Variants in USO1 observed in about 807,000 individuals in gnomAD.
The protein encoded by USO1 is USO1 vesicle transport factor.
USO1 carries 57 observed loss-of-function variants against 124.5 expected under a neutral mutation model. The observed-to-expected ratio is 0.46, with a 90% CI of 0.37 to 0.57. USO1 has a LOEUF of 0.57. USO1 is among the 20% of genes least tolerant of loss of function. USO1 has a pLI of 0.00. For synonymous variants in USO1, 369 were observed against 362.8 expected (o/e 1.02, Z -0.19); for missense variants, 900 against 1,040.6 (o/e 0.86, Z 1.86).
chr4:75,742,525 C>T (rs17000786), intron 1 of USO1, among the ~76,000 whole-genome samples: 53,615 of 152,080 alleles, frequency 0.35, 11,636 homozygotes, highest in African/African-American at 0.62. Context: ...TGTAATCTTA[C>T]CTATCTTCAC....
chr4:75,759,264 T>TTTTTTTTTC (rs1553898967), intron 4 of USO1, among the ~76,000 whole-genome samples: 5 of 145,488 alleles, frequency 3.4e-5, no homozygotes, highest in Non-Finnish European at 7.5e-5. Flanking sequence ...TTTTTTTTTT[T>TTTTTTTTTC]CTGAAAATTT....
chr4:75,782,454 C>A (rs1722246664), intron 8 of USO1, among the ~76,000 whole-genome samples: 1 of 152,142 alleles, frequency 6.6e-6, no homozygotes, highest in Admixed American at 6.6e-5. Context: ...CAATGAGTTA[C>A]TAAGGCGATT....
At chr4:75,791,985 C>T (rs144325387) in intron 12 of USO1, among the ~76,000 whole-genome samples, 2 of 150,034 alleles carry the variant, frequency 1.3e-5, no homozygotes, top group South Asian at 2.1e-4. Flanking sequence ...TACTGTAATA[C>T]AAGTTGAGCA....
chr4:75,801,253 CT>C, intron 17 of USO1, 53 bp downstream of exon 17: 2 of 1,468,804 alleles, frequency 1.4e-6, no homozygotes, highest in Non-Finnish European at 1.8e-6. Flanking sequence ...GCACTTTCTG[CT>C]TTAAGGGAGC....
chr4:75,753,101 T>G (rs931407243), intron 3 of USO1, among the ~76,000 whole-genome samples: 59 of 152,136 alleles, frequency 3.9e-4, no homozygotes, highest in African/African-American at 1.4e-3. Context: ...TAATAAGAGT[T>G]AAGTGTTAAA....
At chr4:75,743,519 A>G (rs1007918738) in intron 1 of USO1, among the ~76,000 whole-genome samples, 4 of 151,818 alleles carry the variant, frequency 2.6e-5, no homozygotes. Context: ...TGTTTGTCTT[A>G]CTTGTTTTTA....
chr4:75,794,095 T>TA (rs1214909280), intron 13 of USO1, among the ~76,000 whole-genome samples, 194 bp downstream of exon 13: 1 of 152,176 alleles, frequency 6.6e-6, no homozygotes, highest in Non-Finnish European at 1.5e-5. Context: ...GCTAAATAGT[T>TA]ATAAGGTCTG....
intron 8 of USO1, among the ~76,000 whole-genome samples, chr4:75,779,482 A>G (rs905228665): frequency 1.3e-5 from 2 of 152,254 alleles, no homozygotes; most frequent in African/African-American, 4.8e-5. Flanking sequence ...CAGTGAACAC[A>G]TGAATAATTA....
chr4:75,746,798 G>A (rs1721138586), intron 1 of USO1, among the ~76,000 whole-genome samples: 1 of 152,094 alleles, frequency 6.6e-6, no homozygotes, highest in African/African-American at 2.4e-5. Context: ...TAATTTTGGG[G>A]TATAGACATA....
At chr4:75,806,708 C>A in intron 20 of USO1, 136 bp downstream of exon 20, 1 of 1,176,954 alleles carries the variant, frequency 8.5e-7, no homozygotes, top group Non-Finnish European at 1.2e-6. Flanking sequence ...ATTTGAAAAT[C>A]CAGAAGCTGT....
intron 14 of USO1, 86 bp from the exon 15 acceptor site, chr4:75,800,265 T>TA: frequency 1.4e-6 from 2 of 1,427,034 alleles, no homozygotes; most frequent in South Asian, 1.4e-5. Flanking sequence ...TGGGAACTCT[T>TA]ATGTGAAGTA....
intron 14 of USO1, 120 bp downstream of exon 14, chr4:75,799,852 G>A: frequency 8.3e-7 from 1 of 1,207,254 alleles, no homozygotes; most frequent in East Asian, 2.6e-5. Flanking sequence ...TATCTGTGTT[G>A]CAACTTTTTA....
chr4:75,750,331 G>A (rs1386836710), intron 1 of USO1, among the ~76,000 whole-genome samples: 1 of 151,932 alleles, frequency 6.6e-6, no homozygotes, highest in East Asian at 1.9e-4. Flanking sequence ...CCAGCTACTC[G>A]AGAGGCTGAG....
intron 10 of USO1, among the ~76,000 whole-genome samples, chr4:75,788,678 G>A (rs1355364416): frequency 6.6e-6 from 1 of 151,552 alleles, no homozygotes; most frequent in Non-Finnish European, 1.5e-5. Context: ...GAGTAGCTGG[G>A]ATTACAGGCG....
At chr4:75,801,436 A>G (rs560376129) in intron 17 of USO1, among the ~76,000 whole-genome samples, 126 of 152,342 alleles carry the variant, frequency 8.3e-4, no homozygotes, top group Non-Finnish European at 1.5e-3. Context: ...CGGAATCATC[A>G]GTTGACATTT....
At position 75,757,536 on chromosome 4, in the gene USO1, A is replaced by G. The variant is rs930876862; in HGVS notation, c.258A>G (p.Leu86=). 3 of 1,496,488 alleles carry G rather than the reference A, an allele frequency of 2.0e-6. No individual in the cohort carries two copies. The highest frequency in any genetic ancestry group is 3.5e-4 in the Middle Eastern group (2 of 5,642). 92.7% of individuals were successfully genotyped at this position (1,496,488 alleles called of 1,614,324 possible). A position where few individuals can be genotyped will look rare whatever the true frequency, so the allele number is the denominator to read the frequency against. ...TAATAGGTTATGCTTTGGACACACT[A>G]TATAATATAATATCTAATGAAGAAG... ...SEIIGYALDT[L]YNIISNEEEE... is the part of the protein sequence containing the mutation. The change falls in exon 4 of 24, where the codon CTA becomes CTG. Residue 86 remains leucine (L), a synonymous_variant. Transcript: ENST00000514213.
Position 75,800,337 on chromosome 4 carries a change from A to T in USO1, c.1564-14A>T, listed in dbSNP as rs1722808337. 2 of 1,568,136 alleles carry T rather than the reference A, an allele frequency of 1.3e-6. No individual in the cohort carries two copies. On this transcript the variant is annotated splice_polypyrimidine_tract_variant and intron_variant, in intron 14 of 23. Coordinates refer to ENST00000514213, the MANE Select transcript of USO1 (RefSeq NM_003715.4). ...GATATTTTCAATCCTTAGCCTCCTT[A>T]ACAAAGATTTCAGCTTACAGGACAA...
At chr4:75,808,506 G>A (rs1364745938) in intron 20 of USO1, among the ~76,000 whole-genome samples, 1 of 151,606 alleles carries the variant, frequency 6.6e-6, no homozygotes, top group Non-Finnish European at 1.5e-5. Context: ...TAACCTTTCT[G>A]GTAGTTAATG....
chr4:75,741,946 A>G (rs1250673766), intron 1 of USO1, among the ~76,000 whole-genome samples: 3 of 152,102 alleles, frequency 2.0e-5, no homozygotes, highest in African/African-American at 4.8e-5. Context: ...AGGCCTACAC[A>G]GGGCAGGGTC....
Sources: gnomAD v4.1 joint callset for allele counts (sites outside exome capture counted in the v4.1 genomes callset) on GRCh38, gnomAD v4.1.1 for gene constraint, MANE v1.5 for transcripts, NCBI Gene and HGNC (gene_info 2026-07-23, HGNC 2026-07-21) for gene names.